The following PNMA6E variants were observed in gnomAD, a reference collection of about 807,000 sequenced individuals.
PNMA6E encodes the protein PNMA family member 6E.
For synonymous variants in PNMA6E, 43 were observed against 17.1 expected, an observed-to-expected ratio of 2.52 and a Z score of -3.74; for missense variants, 78 against 50.8, an observed-to-expected ratio of 1.53 and a Z score of -1.63.
At position 153,396,665 on chromosome X, in the gene PNMA6E, G is replaced by A. The variant is rs1295547630; in HGVS notation, c.*241C>T. On this transcript the variant is annotated 3_prime_UTR_variant, in exon 2 of 2. Transcript: ENST00000445091. Reference sequence around the variant, plus strand: ...AGCCCCCCGTGGCGGCAGGGTTTGGGGCTGGGGCTGGGTGTGCTGGGTGCA... The same window carrying A: ...AGCCCCCCGTGGCGGCAGGGTTTGGAGCTGGGGCTGGGTGTGCTGGGTGCA... The A allele has an allele frequency of 1.7e-5, 4 of 234,012 alleles. No individual in the cohort carries two copies. The highest frequency in any genetic ancestry group is 3.1e-5 in the Non-Finnish European group (4 of 130,671). 19.3% of individuals were successfully genotyped at this position (234,012 alleles called of 1,213,427 possible). A position where few individuals can be genotyped will look rare whatever the true frequency, so the allele number is the denominator to read the frequency against.
At chrX:153,411,766 G>T in the PNMA6E span, among the ~76,000 whole-genome samples, 1 of 112,708 alleles carries the variant, frequency 8.9e-6, no homozygotes, top group Admixed American at 9.2e-5. Flanking sequence ...GTCTCGGCAG[G>T]GTGCAGGTGT....
intron 1 of PNMA6E, among the ~76,000 whole-genome samples, chrX:153,399,332 T>A (rs2088833200): frequency 9.6e-6 from 1 of 103,883 alleles, no homozygotes; most frequent in Admixed American, 1.0e-4. Context: ...TGTGTGTGTG[T>A]GTGTTGTTTT....
rs2088814439 is a variant in PNMA6E, at chrX:153,397,215, G to A, written c.1635C>T (p.Ala545=). The change falls in exon 2 of 2, where the codon GCC becomes GCT. Residue 545 remains alanine (A), a synonymous_variant. Coordinates refer to ENST00000445091, the MANE Select transcript of PNMA6E (RefSeq NM_001367770.1). ...GGGCTCCCCTTGCAGCCTCTTTGGT[G>A]GCAGAAGCGGCCTCGGCAGCATCTT... ...GAEDAAEAAS[A]TKEAARGAPA... 3.4e-6 allele frequency: 1 copy of A among 296,938 alleles called. No homozygotes were observed. Among genetic ancestry groups the A allele is most frequent in the East Asian group, 4.8e-5 (1 of 20,989 alleles). 24.5% of individuals were successfully genotyped at this position (296,938 alleles called of 1,213,427 possible). A position where few individuals can be genotyped will look rare whatever the true frequency, so the allele number is the denominator to read the frequency against.
chrX:153,396,847 C>T lies in PNMA6E; in HGVS notation c.*59G>A, dbSNP rs1206147469. On this transcript the variant is annotated 3_prime_UTR_variant, in exon 2 of 2. Transcript: ENST00000445091. The stretch of plus-strand genomic sequence containing the variant: ...TGAGGGACTGGCCCTGGCCTGGCCT[C>T]TGTCTGCCTCCAAGGCGCTGCTGCC... The T allele has an allele frequency of 1.3e-5, 4 of 296,721 alleles. No homozygotes were observed. The highest frequency in any genetic ancestry group is 2.4e-5 in the Non-Finnish European group (4 of 170,113). The allele number at this position is 296,721 out of a possible 1,213,427, so 24.5% of individuals were successfully genotyped here.
the PNMA6E span, among the ~76,000 whole-genome samples, chrX:153,413,903 C>T: frequency 5.3e-5 from 6 of 112,441 alleles, no homozygotes; most frequent in Admixed American, 3.7e-4. Context: ...CCAGCACCTC[C>T]GCTGGGTCTT....
chrX:153,409,893 T>C, the PNMA6E span, among the ~76,000 whole-genome samples: 1 of 112,058 alleles, frequency 8.9e-6, no homozygotes, highest in Non-Finnish European at 1.9e-5. Context: ...CCCCACCAGG[T>C]TACTGGATGA....
the PNMA6E span, among the ~76,000 whole-genome samples, chrX:153,406,683 C>T: frequency 2.7e-5 from 3 of 112,870 alleles, no homozygotes; most frequent in Admixed American, 9.3e-5. Flanking sequence ...TGCACATGCA[C>T]GCACAGACAT....
the PNMA6E span, among the ~76,000 whole-genome samples, chrX:153,409,731 C>T: frequency 8.9e-6 from 1 of 112,410 alleles, no homozygotes; most frequent in Non-Finnish European, 1.9e-5. Context: ...GCACATGGCC[C>T]TTTCTCTTGC....
chrX:153,410,255 T>C, the PNMA6E span, among the ~76,000 whole-genome samples: 2 of 111,584 alleles, frequency 1.8e-5, no homozygotes, highest in Non-Finnish European at 3.8e-5. Context: ...TGCTCTCATC[T>C]CCACATCCTC....
chrX:153,400,499 G>A (rs182121826), intron 1 of PNMA6E, among the ~76,000 whole-genome samples: 208 of 112,069 alleles, frequency 1.9e-3, no homozygotes, highest in East Asian at 2.9e-3. Context: ...GCAGCAGGGC[G>A]TCCCACGTGC....
intron 1 of PNMA6E, among the ~76,000 whole-genome samples, chrX:153,400,719 C>T (rs1487125823): frequency 8.2e-5 from 9 of 110,252 alleles, no homozygotes; most frequent in East Asian, 2.9e-4. Flanking sequence ...TCCCCTCTCG[C>T]GCCTCAGACC....
At chrX:153,409,948 AG>A in the PNMA6E span, among the ~76,000 whole-genome samples, 1 of 112,588 alleles carries the variant, frequency 8.9e-6, no homozygotes, top group African/African-American at 3.2e-5. Flanking sequence ...ATGGCCCAGG[AG>A]GACTCTGGGC....
At position 153,398,880 on chromosome X, in the gene PNMA6E, A is replaced by C. The variant is rs2088830164; in HGVS notation, c.-31T>G. 1 of 299,056 alleles carries C rather than the reference A, an allele frequency of 3.3e-6. No individual in the cohort carries two copies. The highest frequency in any genetic ancestry group is 5.8e-6 in the Non-Finnish European group (1 of 171,182). 24.6% of individuals were successfully genotyped at this position (299,056 alleles called of 1,213,427 possible). Reference sequence around the variant, plus strand: ...AGGACTTGAGGGAGGGAGCCTGATCAATCAGGAATGTGTGCTGACTGTTGC... The same window carrying C: ...AGGACTTGAGGGAGGGAGCCTGATCCATCAGGAATGTGTGCTGACTGTTGC... On this transcript the variant is annotated 5_prime_UTR_variant, in exon 2 of 2. It adds an upstream start codon to the 5' untranslated region. Coordinates refer to ENST00000445091, the MANE Select transcript of PNMA6E (RefSeq NM_001367770.1).
chrX:153,412,837 G>A, the PNMA6E span, among the ~76,000 whole-genome samples: 4 of 111,949 alleles, frequency 3.6e-5, no homozygotes, highest in South Asian at 7.5e-4. Context: ...GACAGGACCC[G>A]ACCCGCCTGT....
In PNMA6E at chrX:153,401,230, C is replaced by G. The variant is rs1409227737; in HGVS notation, c.-72+14G>C. The G allele has an allele frequency of 9.1e-6, 1 of 109,348 alleles. No individual in the cohort carries two copies. 9.0% of individuals were successfully genotyped at this position (109,348 alleles called of 1,213,427 possible). On this transcript the variant is annotated intron_variant, in intron 1 of 1. Coordinates refer to ENST00000445091, the MANE Select transcript of PNMA6E (RefSeq NM_001367770.1). ...CTGGGCCTGGGTCCTGGCAAACCCC[C>G]GCGGTCTACTCACTTTCTCAAACTC...
At chrX:153,408,225 G>A in the PNMA6E span, among the ~76,000 whole-genome samples, 5 of 112,962 alleles carry the variant, frequency 4.4e-5, no homozygotes, top group African/African-American at 1.6e-4. Context: ...GGGACATTCA[G>A]GAACCGGAGC....
intron 1 of PNMA6E, among the ~76,000 whole-genome samples, chrX:153,400,047 C>G (rs781794669): frequency 8.9e-6 from 1 of 112,719 alleles, no homozygotes; most frequent in African/African-American, 3.2e-5. Context: ...GATCAGAGAA[C>G]TTATGAAAAC....
At chrX:153,413,349 G>T in the PNMA6E span, among the ~76,000 whole-genome samples, 1 of 105,660 alleles carries the variant, frequency 9.5e-6, no homozygotes, top group Non-Finnish European at 1.9e-5. Flanking sequence ...AGGCTTCCTT[G>T]CTGGCAGTGG....
At chrX:153,407,341 G>A in the PNMA6E span, among the ~76,000 whole-genome samples, 1 of 111,301 alleles carries the variant, frequency 9.0e-6, no homozygotes, top group Non-Finnish European at 1.9e-5. Context: ...TGCCCTCCCA[G>A]CAGCCATTCC....
Sources: allele counts gnomAD v4.1 joint callset (sites outside exome capture counted in the v4.1 genomes callset), GRCh38; gene constraint gnomAD v4.1.1; transcripts MANE v1.5; gene names NCBI Gene and HGNC (gene_info 2026-07-23, HGNC 2026-07-21).